The following SEPTIN6 variants were observed in gnomAD, a reference collection of about 807,000 sequenced individuals.
SEPTIN6 encodes the protein septin-6.
Under a neutral mutation model 33.6 loss-of-function variants are expected in SEPTIN6, and 8 were observed. The ratio of observed to expected loss-of-function variants is 0.24; its 90% CI spans 0.14 to 0.43. SEPTIN6 has a LOEUF of 0.43. SEPTIN6 is among the 20% of genes least tolerant of loss of function. The pLI, the probability that SEPTIN6 is intolerant of heterozygous loss-of-function variation, is 1.00. For missense variants in SEPTIN6, 250 were observed against 340.8 expected, an observed-to-expected ratio of 0.73 and a Z score of 2.10; for synonymous variants, 131 against 140.0, an observed-to-expected ratio of 0.94 and a Z score of 0.45.
chrX:119,629,548 T>A lies in SEPTIN6; in HGVS notation c.1090-40A>T, dbSNP rs1367111234. The A allele has an allele frequency of 2.6e-6, 3 of 1,170,509 alleles. No homozygotes were observed. In the South Asian group the frequency reaches 5.5e-5, roughly 21 times the overall value. ...CAGGGAGATTGGAGAGAATCCCCTG[T>A]GAGCAGTCCCCAGCCTGGCCAAGCC... On this transcript the variant is annotated intron_variant, in intron 8 of 10. Coordinates refer to ENST00000394610, the MANE Select transcript of SEPTIN6 (RefSeq NM_145799.4).
intron 1 of SEPTIN6, among the ~76,000 whole-genome samples, chrX:119,679,449 A>G (rs776107733): frequency 3.6e-5 from 4 of 111,624 alleles, no homozygotes; most frequent in Admixed American, 9.6e-5. Flanking sequence ...GATGACTCCA[A>G]TAATGTTGAG....
At chrX:119,675,772 C>T (rs1388072116) in intron 1 of SEPTIN6, 104 bp from the exon 2 acceptor site, 2 of 390,450 alleles carry the variant, frequency 5.1e-6, no homozygotes, top group Non-Finnish European at 8.4e-6. Context: ...CACACCCGCC[C>T]AGGCCCAGTG....
chrX:119,646,447 T>C (rs904168868), intron 5 of SEPTIN6, among the ~76,000 whole-genome samples: 21 of 111,997 alleles, frequency 1.9e-4, no homozygotes, highest in African/African-American at 6.5e-4. Flanking sequence ...CTTTCAGCCA[T>C]TCAAAGAACA....
intron 10 of SEPTIN6, chrX:119,624,180 T>C (rs1292983454): frequency 7.9e-6 from 2 of 253,282 alleles, no homozygotes; most frequent in Non-Finnish European, 1.5e-5. Context: ...TTTGTTTGTT[T>C]GTTTGTTTTT....
chrX:119,686,490 G>T, intron 1 of SEPTIN6: 1 of 575,314 alleles, frequency 1.7e-6, no homozygotes, highest in Non-Finnish European at 2.5e-6. Context: ...CTGAGAGCGC[G>T]CTGCATAATT....
rs774814089 is a variant in SEPTIN6, at chrX:119,633,656, C to G, written c.957-164G>C. Among the ~76,000 whole-genome samples, 9 of 112,376 alleles carry G rather than the reference C, an allele frequency of 8.0e-5. No homozygotes were observed. The South Asian group carries it at 3.3e-3, about 41-fold the overall frequency. On this transcript the variant is annotated intron_variant, in intron 7 of 10. Coordinates refer to ENST00000394610, the MANE Select transcript of SEPTIN6 (RefSeq NM_145799.4). ...TGTGGGCACCTGGCTTGGCCCATGA[C>G]AGCATGCCCACAGGGATTCTGGAGG...
rs35208481 is a variant in SEPTIN6, at chrX:119,637,654, T to TATCCATCCATCCATCC, written c.788-475_788-460dup. On this transcript the variant is annotated intron_variant, in intron 6 of 10. Transcript: ENST00000394610. Reference sequence around the variant, plus strand: ...CCATCCACTCATCCATCCATCTATCTATCCATCCATCCATCCATCCATCCA... The same window carrying TATCCATCCATCCATCC: ...CCATCCACTCATCCATCCATCTATCTATCCATCCATCCATCCATCCATCCATCCATCCATCCATCCA... Among the ~76,000 whole-genome samples, 18 of 91,898 alleles carry TATCCATCCATCCATCC rather than the reference T, an allele frequency of 2.0e-4. No homozygotes were observed. The East Asian group carries it at 2.2e-3, about 11-fold the overall frequency. The allele number at this position is 91,898 out of a possible 115,157, so 79.8% of individuals were successfully genotyped here.
intron 10 of SEPTIN6, chrX:119,623,940 A>T (rs1331791271): frequency 1.1e-5 from 2 of 175,124 alleles, no homozygotes; most frequent in East Asian, 2.8e-4. Flanking sequence ...AGGAGATAGA[A>T]GGTCCTTAAT....
intron 1 of SEPTIN6, among the ~76,000 whole-genome samples, chrX:119,684,165 G>T (rs1199077388): frequency 9.0e-6 from 1 of 111,230 alleles, no homozygotes. Context: ...GGCTGGTCTA[G>T]AACTCCTGAC....
At chrX:119,625,630 C>A (rs759099950) in intron 9 of SEPTIN6, among the ~76,000 whole-genome samples, 4 of 108,378 alleles carry the variant, frequency 3.7e-5, no homozygotes, top group Non-Finnish European at 7.7e-5. Flanking sequence ...GCAGCCTCAA[C>A]CTCCCGGGTT....
At chrX:119,665,527 G>A (rs1381682162) in intron 2 of SEPTIN6, among the ~76,000 whole-genome samples, 1 of 112,140 alleles carries the variant, frequency 8.9e-6, no homozygotes, top group African/African-American at 3.2e-5. Context: ...AACCAGTAGG[G>A]GAAAGGCTGT....
chrX:119,644,898 C>A (rs1341466224), intron 5 of SEPTIN6, among the ~76,000 whole-genome samples: 1 of 101,291 alleles, frequency 9.9e-6, no homozygotes. Flanking sequence ...GCCCTCATGG[C>A]CCAATCACAT....
intron 8 of SEPTIN6, among the ~76,000 whole-genome samples, chrX:119,631,134 G>C (rs1458244670): frequency 3.6e-5 from 4 of 109,964 alleles, no homozygotes; most frequent in Non-Finnish European, 7.6e-5. Flanking sequence ...ACTTAGGTGG[G>C]TGAGTGACAG....
chrX:119,691,146 C>A (rs752257133), intron 1 of SEPTIN6, among the ~76,000 whole-genome samples: 1 of 111,437 alleles, frequency 9.0e-6, no homozygotes, highest in African/African-American at 3.3e-5. Flanking sequence ...CCCTAAAGCA[C>A]CCCCTCACCC....
intron 2 of SEPTIN6, among the ~76,000 whole-genome samples, chrX:119,664,102 G>A (rs2147584556): frequency 9.1e-6 from 1 of 110,451 alleles, no homozygotes; most frequent in East Asian, 2.8e-4. Flanking sequence ...TCCTACCTCA[G>A]CCTCCCGAGT....
At chrX:119,679,663 G>T (rs1452328867) in intron 1 of SEPTIN6, among the ~76,000 whole-genome samples, 1 of 111,364 alleles carries the variant, frequency 9.0e-6, no homozygotes, top group Non-Finnish European at 1.9e-5. Context: ...TTCAAAACCA[G>T]CCTGGCCAAC....
intron 2 of SEPTIN6, among the ~76,000 whole-genome samples, chrX:119,672,885 G>T (rs1028076118): frequency 9.0e-6 from 1 of 111,389 alleles, no homozygotes; most frequent in Admixed American, 9.6e-5. Context: ...GGACTCTAAG[G>T]CCCTCGATGT....
At chrX:119,622,934 CAA>C (rs2053794436) in intron 10 of SEPTIN6, among the ~76,000 whole-genome samples, 1 of 112,290 alleles carries the variant, frequency 8.9e-6, no homozygotes, top group Non-Finnish European at 1.9e-5. Flanking sequence ...GCAGGGGCTC[CAA>C]GACTTGCTGT....
chrX:119,629,531 T>C lies in SEPTIN6; in HGVS notation c.1090-23A>G, dbSNP rs192999759. The C allele has an allele frequency of 3.2e-4, 384 of 1,195,544 alleles. 3 individuals carry two copies. In the East Asian group the frequency reaches 7.0e-3, roughly 22 times the overall value. On this transcript the variant is annotated intron_variant, in intron 8 of 10. Coordinates refer to ENST00000394610, the MANE Select transcript of SEPTIN6 (RefSeq NM_145799.4). Reference sequence around the variant, plus strand: ...CAGCTGGCAGGGAAGCACAGGGAGATTGGAGAGAATCCCCTGTGAGCAGTC... The same window carrying C: ...CAGCTGGCAGGGAAGCACAGGGAGACTGGAGAGAATCCCCTGTGAGCAGTC...
Sources: gnomAD v4.1 joint callset for allele counts (sites outside exome capture counted in the v4.1 genomes callset) on GRCh38, gnomAD v4.1.1 for gene constraint, MANE v1.5 for transcripts, NCBI Gene and HGNC (gene_info 2026-07-23, HGNC 2026-07-21) for gene names.